Variants in CDH4 observed in about 807,000 individuals in gnomAD.
CDH4 encodes the protein cadherin 4.
A neutral mutation model predicts 86.0 loss-of-function variants in CDH4; 33 were observed. The ratio of observed to expected loss-of-function variants is 0.38; its 90% CI spans 0.29 to 0.51. CDH4 has a LOEUF of 0.51. Among genes scored for constraint, CDH4 ranks in the 20% least tolerant of loss-of-function variants. The probability of loss-of-function intolerance (pLI) is 0.86; values close to 1 mark genes in which losing one functional copy is unlikely to be tolerated. For synonymous variants in CDH4, 555 were observed against 549.4 expected (o/e 1.01, Z -0.14); for missense variants, 1,114 against 1,307.4 (o/e 0.85, Z 2.28).
At chr20:61,437,664 C>T (rs981615939) in intron 2 of CDH4, 2 of 152,142 alleles carry the variant, frequency 1.3e-5, no homozygotes, top group Non-Finnish European at 2.9e-5. Flanking sequence ...TTTTCTTTTC[C>T]TCCCAAGTGC....
intron 2 of CDH4, among the ~76,000 whole-genome samples, chr20:61,262,582 TA>T (rs1248743201): frequency 6.6e-6 from 1 of 152,136 alleles, no homozygotes; most frequent in Admixed American, 6.5e-5. Context: ...CCTGCAGTGT[TA>T]AAAAATCACA....
chr20:61,685,362 G>A (rs1000885569), intron 2 of CDH4, among the ~76,000 whole-genome samples: 4 of 152,326 alleles, frequency 2.6e-5, no homozygotes, highest in East Asian at 1.9e-4. Flanking sequence ...TGTGTGAAGC[G>A]GGGTGACTGC....
intron 3 of CDH4, among the ~76,000 whole-genome samples, chr20:61,767,118 T>A (rs1390095643): frequency 1.3e-5 from 2 of 152,194 alleles, no homozygotes; most frequent in African/African-American, 4.8e-5. Flanking sequence ...GGAAGTCACT[T>A]GGGCAGGGCC....
chr20:61,354,673 C>A (rs1425262303), intron 2 of CDH4, among the ~76,000 whole-genome samples: 1 of 152,240 alleles, frequency 6.6e-6, no homozygotes, highest in African/African-American at 2.4e-5. Context: ...GCCCACATTG[C>A]TTGCCGTGGC....
chr20:61,768,008 G>A (rs2088721026), intron 3 of CDH4, among the ~76,000 whole-genome samples: 1 of 152,196 alleles, frequency 6.6e-6, no homozygotes, highest in Non-Finnish European at 1.5e-5. Flanking sequence ...TCCTGATTCT[G>A]CAGATCTGCA....
chr20:61,701,090 ACT>A (rs1358840881), intron 2 of CDH4, among the ~76,000 whole-genome samples: 2 of 151,676 alleles, frequency 1.3e-5, no homozygotes, highest in African/African-American at 4.8e-5. Flanking sequence ...CGGAGGGAAG[ACT>A]CTGTTCCAGG....
intron 2 of CDH4, among the ~76,000 whole-genome samples, chr20:61,505,517 G>A (rs1185473884): frequency 6.6e-6 from 1 of 152,220 alleles, no homozygotes; most frequent in Non-Finnish European, 1.5e-5. Context: ...TGGGCTTTGG[G>A]ACTATGCAGG....
chr20:61,572,782 C>T (rs2086350932), intron 2 of CDH4, among the ~76,000 whole-genome samples: 1 of 152,158 alleles, frequency 6.6e-6, no homozygotes, highest in Admixed American at 6.5e-5. Flanking sequence ...TATGCAGCCC[C>T]AAGGGGTCAG....
intron 2 of CDH4, among the ~76,000 whole-genome samples, chr20:61,575,425 C>G (rs1335588561): frequency 6.6e-6 from 1 of 152,198 alleles, no homozygotes; most frequent in South Asian, 2.1e-4. Flanking sequence ...GATTCAGTGA[C>G]ACATTTCACA....
intron 2 of CDH4, among the ~76,000 whole-genome samples, chr20:61,547,711 A>G (rs563198943): frequency 1.3e-5 from 2 of 152,340 alleles, no homozygotes; most frequent in South Asian, 4.1e-4. Flanking sequence ...CAGACAGCGC[A>G]GGAGCAGCCT....
Position 61,516,506 on chromosome 20 carries a change from A to G in CDH4, c.170-227057A>G, listed in dbSNP as rs528783801. Among the ~76,000 whole-genome samples the G allele has an allele frequency of 4.6e-5, 7 of 152,238 alleles. No homozygotes were observed. Among genetic ancestry groups the G allele is most frequent in the African/African-American group, 1.7e-4 (7 of 41,524 alleles). On this transcript the variant is annotated intron_variant, in intron 2 of 15. Transcript: ENST00000614565. This position sits in a 1 kb window ranked among gnomAD's most constrained non-coding sequence, Gnocchi z 4.0. ...GTCAAGCCAGATGTCCATGTTGGGG[A>G]GTCTAACGGCAGGTTCTCACCGCCC...
intron 2 of CDH4, among the ~76,000 whole-genome samples, chr20:61,354,243 G>A (rs2084733178): frequency 1.3e-5 from 2 of 152,096 alleles, no homozygotes; most frequent in South Asian, 2.1e-4. Context: ...GAGCGGAAAT[G>A]TCTCCCGGCA....
intron 4 of CDH4, among the ~76,000 whole-genome samples, chr20:61,796,416 C>G (rs1979539170): frequency 6.6e-6 from 1 of 152,154 alleles, no homozygotes; most frequent in Non-Finnish European, 1.5e-5. Context: ...CACCTTCTGA[C>G]ACAGACGTCA....
At chr20:61,476,051 C>T (rs2085534064) in intron 2 of CDH4, among the ~76,000 whole-genome samples, 2 of 152,144 alleles carry the variant, frequency 1.3e-5, no homozygotes, top group South Asian at 4.1e-4. Flanking sequence ...ATTGGACGCA[C>T]AGGAATAACA....
intron 14 of CDH4, among the ~76,000 whole-genome samples, 155 bp from the exon 15 acceptor site, chr20:61,933,901 C>T (rs2055145295): frequency 6.6e-6 from 1 of 152,148 alleles, no homozygotes; most frequent in Non-Finnish European, 1.5e-5. Flanking sequence ...TGGAGGGGCA[C>T]AGCAGGGGAC....
At chr20:61,694,910 G>A (rs977587046) in intron 2 of CDH4, among the ~76,000 whole-genome samples, 13 of 152,234 alleles carry the variant, frequency 8.5e-5, no homozygotes, top group Admixed American at 5.9e-4. Flanking sequence ...GATCCCGTGC[G>A]CCGCCGGAGA....
intron 2 of CDH4, among the ~76,000 whole-genome samples, chr20:61,562,752 G>A (rs1275513623): frequency 6.6e-6 from 1 of 152,210 alleles, no homozygotes; most frequent in Non-Finnish European, 1.5e-5. Context: ...TTAATTAAGG[G>A]CTTTTAAGCT....
intron 2 of CDH4, among the ~76,000 whole-genome samples, chr20:61,291,680 G>A (rs928812784): frequency 4.3e-5 from 1 of 23,374 alleles, no homozygotes; most frequent in African/African-American, 8.1e-5. Flanking sequence ...AGGTTACCGG[G>A]GGTTTCCAGT....
chr20:61,297,286 T>G (rs2084360592), intron 2 of CDH4, among the ~76,000 whole-genome samples: 1 of 152,128 alleles, frequency 6.6e-6, no homozygotes, highest in Non-Finnish European at 1.5e-5. Context: ...CTCGGGAGGC[T>G]GAGGCAGGAG....
Sources: allele counts gnomAD v4.1 joint callset (sites outside exome capture counted in the v4.1 genomes callset), GRCh38; gene constraint gnomAD v4.1.1; non-coding constraint Gnocchi (gnomAD v3.1); transcripts MANE v1.5; gene names NCBI Gene and HGNC (gene_info 2026-07-23, HGNC 2026-07-21).